CTNNA2: variants seen among roughly 807,000 people sequenced by gnomAD.
CTNNA2 encodes catenin alpha 2.
Under a neutral mutation model 101.0 loss-of-function variants are expected in CTNNA2, and 42 were observed. That is an observed-to-expected ratio of 0.42 (90% CI 0.32 to 0.54). The LOEUF (loss-of-function observed/expected upper bound fraction) is 0.54, where lower values mean the gene tolerates loss of function less well. Ranked by LOEUF, CTNNA2 falls within the 20% of genes least tolerant of loss-of-function variation. CTNNA2 has a pLI of 0.14. For missense variants in CTNNA2, 871 were observed against 1,223.1 expected (o/e 0.71, Z 4.29); for synonymous variants, 450 against 456.4 (o/e 0.99, Z 0.18).
chr2:80,370,807 T>A (rs747479748), intron 7 of CTNNA2, among the ~76,000 whole-genome samples: 1 of 152,198 alleles, frequency 6.6e-6, no homozygotes, highest in Non-Finnish European at 1.5e-5. Flanking sequence ...CTGAGGCCCC[T>A]GTAACAAAAG....
intron 3 of CTNNA2, among the ~76,000 whole-genome samples, chr2:79,753,538 G>A (rs555776406): frequency 9.2e-5 from 14 of 152,052 alleles, no homozygotes; most frequent in Non-Finnish European, 1.9e-4. Context: ...GCCTTCGTTC[G>A]ACAACAGCAT....
intron 1 of CTNNA2, among the ~76,000 whole-genome samples, chr2:79,607,096 C>T (rs974101741): frequency 1.3e-5 from 2 of 151,982 alleles, no homozygotes; most frequent in East Asian, 3.9e-4. Flanking sequence ...AAAAGATATA[C>T]CATGATAACA....
At chr2:79,246,446 G>T (rs540682911) in intron 2 of CTNNA2, among the ~76,000 whole-genome samples, 1 of 152,250 alleles carries the variant, frequency 6.6e-6, no homozygotes, top group South Asian at 2.1e-4. Context: ...ATAGGTTTAG[G>T]TTGTTTTCCC....
At chr2:80,123,780 G>A (rs1215651346) in intron 7 of CTNNA2, among the ~76,000 whole-genome samples, 2 of 152,142 alleles carry the variant, frequency 1.3e-5, no homozygotes, top group African/African-American at 2.4e-5. Flanking sequence ...ATTTCACTAG[G>A]ATGTTACTGG....
At chr2:79,455,845 C>A (rs1351657669) in intron 4 of CTNNA2, among the ~76,000 whole-genome samples, 1 of 152,044 alleles carries the variant, frequency 6.6e-6, no homozygotes, top group African/African-American at 2.4e-5. Flanking sequence ...CACTACTGAA[C>A]TTTGAAATTT....
At chr2:79,691,446 G>A (rs6732862) in intron 2 of CTNNA2, among the ~76,000 whole-genome samples, 38,504 of 151,290 alleles carry the variant, frequency 0.25, 5,323 homozygotes, top group East Asian at 0.54. Flanking sequence ...TAACAATAGT[G>A]ACTCAAAGAG....
At chr2:80,305,639 G>A (rs543742165) in intron 7 of CTNNA2, among the ~76,000 whole-genome samples, 12 of 152,186 alleles carry the variant, frequency 7.9e-5, no homozygotes, top group Admixed American at 5.9e-4. Context: ...AGAAGCCTTT[G>A]CCTCATTATT....
intron 3 of CTNNA2, among the ~76,000 whole-genome samples, chr2:79,368,831 C>T (rs1268411832): frequency 1.3e-5 from 2 of 152,050 alleles, no homozygotes; most frequent in South Asian, 4.1e-4. Flanking sequence ...CACTTGTGTC[C>T]CTGGGTATCA....
chr2:79,278,614 G>T (rs1675279067), intron 2 of CTNNA2, among the ~76,000 whole-genome samples: 1 of 152,102 alleles, frequency 6.6e-6, no homozygotes, highest in Non-Finnish European at 1.5e-5. Flanking sequence ...TGGAGACACA[G>T]TGAAATCCTA....
At chr2:80,508,028 C>T (rs754715958) in intron 9 of CTNNA2, among the ~76,000 whole-genome samples, 6 of 152,194 alleles carry the variant, frequency 3.9e-5, no homozygotes, top group Non-Finnish European at 8.8e-5. Flanking sequence ...GCCTTTGCCA[C>T]TTTAGAAAAG....
chr2:79,653,953 AT>A (rs1448128913), intron 2 of CTNNA2, among the ~76,000 whole-genome samples: 1 of 151,954 alleles, frequency 6.6e-6, no homozygotes, highest in African/African-American at 2.4e-5. Context: ...CATGTTTCTC[AT>A]TTCCTTCTGA....
intron 2 of CTNNA2, among the ~76,000 whole-genome samples, chr2:79,685,961 C>T (rs1171197597): frequency 6.6e-6 from 1 of 152,008 alleles, no homozygotes; most frequent in East Asian, 1.9e-4. Flanking sequence ...ATGTGAGGGG[C>T]ACCTAACCCA....
intron 7 of CTNNA2, among the ~76,000 whole-genome samples, chr2:80,296,055 T>C (rs1675711535): frequency 6.6e-6 from 1 of 152,196 alleles, no homozygotes; most frequent in Non-Finnish European, 1.5e-5. Flanking sequence ...TATTTTTTTT[T>C]AGTTTTTTAC....
At chr2:80,121,599 C>CTGA (rs1055133499) in intron 7 of CTNNA2, among the ~76,000 whole-genome samples, 4 of 152,204 alleles carry the variant, frequency 2.6e-5, no homozygotes, top group Admixed American at 2.0e-4. Context: ...GATGAAGGAG[C>CTGA]TGATGTTCAG....
Position 80,581,748 on chromosome 2 carries a change from G to A in CTNNA2, c.1936G>A (p.Asp646Asn). Residue 646 changes from aspartate (D) to asparagine (N), a missense_variant, in exon 14 of 19, where the codon GAT becomes AAT. Asp to Asn is a conservative substitution (Grantham distance 23). Around this residue, in one of 5 missense-constraint regions of CTNNA2, gnomAD observed 93 missense variants for 223.7 expected, o/e 0.42. Coordinates refer to ENST00000402739, the MANE Select transcript of CTNNA2 (RefSeq NM_001282597.3). ...LEDDSDFEQE[D>N]YDVRSRTSVQ... is the part of the protein sequence containing the mutation. Reference sequence around the variant, plus strand: ...GGATGATTCTGACTTTGAGCAGGAAGATTATGATGTGCGTAGCAGGACAAG... The same window carrying A: ...GGATGATTCTGACTTTGAGCAGGAAAATTATGATGTGCGTAGCAGGACAAG... The A allele has an allele frequency of 6.2e-7, 1 of 1,613,396 alleles. No individual in the cohort carries two copies. Among genetic ancestry groups the A allele is most frequent in the Non-Finnish European group, 8.5e-7 (1 of 1,179,488 alleles).
At chr2:79,930,332 GAA>G (rs1687348609) in intron 7 of CTNNA2, among the ~76,000 whole-genome samples, 1 of 148,462 alleles carries the variant, frequency 6.7e-6, no homozygotes, top group Non-Finnish European at 1.5e-5. Context: ...AAGAAAGAAA[GAA>G]AGAAAGAAAG....
At chr2:80,618,697 C>G (rs907032983) in intron 17 of CTNNA2, 2 of 154,634 alleles carry the variant, frequency 1.3e-5, no homozygotes, top group African/African-American at 4.8e-5. Flanking sequence ...TCAGGGATCC[C>G]CACATACCGT....
At chr2:79,494,291 T>C (rs202021495) in intron 4 of CTNNA2, among the ~76,000 whole-genome samples, 2,196 of 141,408 alleles carry the variant, frequency 0.016, 89 homozygotes, top group East Asian at 0.13. Flanking sequence ...TTTTTTTTTT[T>C]CAGAAATTGA....
chr2:80,603,999 G>A, intron 15 of CTNNA2, 75 bp from the exon 16 acceptor site: 2 of 1,286,248 alleles, frequency 1.6e-6, no homozygotes, highest in Non-Finnish European at 2.2e-6. Flanking sequence ...TAGACTCCTG[G>A]ACAAAGGATA....
Sources: gnomAD v4.1 joint callset for allele counts (sites outside exome capture counted in the v4.1 genomes callset) on GRCh38, gnomAD v4.1.1 for gene constraint, gnomAD v4.1.1 regional missense constraint, MANE v1.5 for transcripts, NCBI Gene and HGNC (gene_info 2026-07-23, HGNC 2026-07-21) for gene names.